The following SAMD3 variants were observed in gnomAD, a reference collection of about 807,000 sequenced individuals.
SAMD3 encodes sterile alpha motif domain-containing protein 3.
A neutral mutation model predicts 58.5 loss-of-function variants in SAMD3; 63 were observed. The observed-to-expected ratio is 1.08, with a 90% CI of 0.88 to 1.33. The LOEUF is 1.33. Ranked by LOEUF, SAMD3 falls within the 40% of genes most tolerant of loss-of-function variation. The pLI is 0.00. For missense variants in SAMD3, 604 were observed against 608.4 expected (o/e 0.99, Z 0.08); for synonymous variants, 220 against 210.3 (o/e 1.05, Z -0.40).
chr6:130,333,366 C>A (rs923711025), intron 1 of SAMD3, among the ~76,000 whole-genome samples: 3 of 152,304 alleles, frequency 2.0e-5, no homozygotes, highest in East Asian at 1.9e-4. Context: ...CACAACCACC[C>A]ATGTCCCTTT....
chr6:130,322,561 G>A (rs1049870645), intron 1 of SAMD3, among the ~76,000 whole-genome samples: 5 of 152,130 alleles, frequency 3.3e-5, no homozygotes, highest in Admixed American at 6.5e-5. Flanking sequence ...ACTTGAACTC[G>A]GGAGGCAGAA....
At position 130,249,510 on chromosome 6, in the gene SAMD3, G is replaced by T. The variant is rs141292660; in HGVS notation, c.-187-26697C>A. 3.1e-3 allele frequency among the ~76,000 whole-genome samples: 478 copies of T among 152,202 alleles called. 2 individuals carry two copies. The highest frequency in any genetic ancestry group is 0.011 in the African/African-American group (455 of 41,526). On this transcript the variant is annotated intron_variant, in intron 2 of 13. Transcript: ENST00000368134. ...CCAGCATCTGTACTTACGGCAGCTT[G>T]TATACATGTATTTATCAACATCTGC... is the stretch of plus-strand genomic sequence containing the variant.
At chr6:130,241,492 G>A (rs1773357647) in intron 2 of SAMD3, among the ~76,000 whole-genome samples, 1 of 152,000 alleles carries the variant, frequency 6.6e-6, no homozygotes, top group Non-Finnish European at 1.5e-5. Flanking sequence ...AGGATTACAG[G>A]CATGAGCCAC....
At chr6:130,147,179 G>A (rs750499879) in intron 9 of SAMD3, among the ~76,000 whole-genome samples, 16 of 152,092 alleles carry the variant, frequency 1.1e-4, no homozygotes, top group Admixed American at 3.9e-4. Context: ...CCACACTCCA[G>A]TGAATTAATT....
In SAMD3 at chr6:130,146,003, T is replaced by C. The variant is rs747511550; in HGVS notation, c.1195+7A>G. 2.7e-6 allele frequency: 4 copies of C among 1,479,768 alleles called. No homozygotes were observed. The East Asian group carries it at 1.0e-4, about 37-fold the overall frequency. 91.7% of individuals were successfully genotyped at this position (1,479,768 alleles called of 1,614,324 possible). A position where few individuals can be genotyped will look rare whatever the true frequency, so the allele number is the denominator to read the frequency against. On this transcript the variant is annotated splice_region_variant and intron_variant, in intron 10 of 11. Coordinates refer to ENST00000439090, the MANE Select transcript of SAMD3 (RefSeq NM_001017373.4). ...TGAAATCACACCACTCCATAAGGTTTACTAACATTTCAACATGTCTTCATC... is the reference window on the plus strand; with the variant it reads ...TGAAATCACACCACTCCATAAGGTTCACTAACATTTCAACATGTCTTCATC...
At chr6:130,206,963 A>T (rs1202905445) in intron 5 of SAMD3, among the ~76,000 whole-genome samples, 1 of 152,086 alleles carries the variant, frequency 6.6e-6, no homozygotes, top group Non-Finnish European at 1.5e-5. Context: ...AGCTTGGGCA[A>T]CACAACTAGA....
chr6:130,208,926 T>C (rs1376299495), intron 5 of SAMD3, among the ~76,000 whole-genome samples: 1 of 152,202 alleles, frequency 6.6e-6, no homozygotes, highest in African/African-American at 2.4e-5. Context: ...ATCTTACCTA[T>C]GACCATCTCA....
rs560527664 is a variant in SAMD3, at chr6:130,200,066, G to A, written c.383+9429C>T. The stretch of plus-strand genomic sequence containing the variant: ...CCCCCAGTGTGAGATTCAAGGCCTC[G>A]GGAGTCTTTGGGGCCCTAATTCATC... On this transcript the variant is annotated intron_variant, in intron 5 of 11. Coordinates refer to ENST00000439090, the MANE Select transcript of SAMD3 (RefSeq NM_001017373.4). Among the ~76,000 whole-genome samples, 453 of 152,020 alleles carry A rather than the reference G, an allele frequency of 3.0e-3. 3 individuals carry two copies. Among genetic ancestry groups the A allele is most frequent in the Non-Finnish European group, 5.2e-3 (352 of 67,990 alleles).
intron 7 of SAMD3, chr6:130,183,159 C>A (rs772790926): frequency 8.7e-6 from 3 of 343,352 alleles, no homozygotes; most frequent in Non-Finnish European, 1.7e-5. Context: ...CGTGGTTGTA[C>A]ATTAGAATAA....
At chr6:130,224,965 T>C (rs1166682569), upstream of SAMD3, among the ~76,000 whole-genome samples, 1 of 152,020 alleles carries the variant, frequency 6.6e-6, no homozygotes, top group African/African-American at 2.4e-5. Context: ...TTCATACCAA[T>C]TGGTAGGCTA....
chr6:130,186,872 G>T (rs191774564), intron 5 of SAMD3, among the ~76,000 whole-genome samples: 151 of 148,198 alleles, frequency 1.0e-3, no homozygotes, highest in African/African-American at 3.6e-3. Flanking sequence ...CCGGGTTCAA[G>T]CGATTCTCCT....
rs376297210 is a variant in SAMD3 at position 130,166,846 on chromosome 6, C to G, written c.822+8995G>C. Among the ~76,000 whole-genome samples, 17 of 152,268 alleles carry G rather than the reference C, an allele frequency of 1.1e-4. No homozygotes were observed. The East Asian group carries it at 1.5e-3, about 14-fold the overall frequency. On this transcript the variant is annotated intron_variant, in intron 8 of 11. Transcript: ENST00000439090. The stretch of plus-strand genomic sequence containing the variant: ...GAAATTATGCTTTATACCTATTAGT[C>G]TCAGCAGCATTTTGAAGGCTAGATA...
At chr6:130,226,569 G>A (rs962398647), upstream of SAMD3, among the ~76,000 whole-genome samples, 2 of 152,266 alleles carry the variant, frequency 1.3e-5, no homozygotes, top group African/African-American at 2.4e-5. Flanking sequence ...GCTCACGCCT[G>A]TAATCCCAGC....
chr6:130,257,116 T>C (rs928321555), intron 2 of SAMD3, among the ~76,000 whole-genome samples: 1 of 152,130 alleles, frequency 6.6e-6, no homozygotes, highest in African/African-American at 2.4e-5. Context: ...CCTAATCTGA[T>C]AAGACTGTTG....
rs777720900 is a variant in SAMD3, at chr6:130,144,592, A to G, written c.1491T>C (p.Asp497=). Residue 497 remains aspartate (D), a synonymous_variant, in exon 12 of 12, where the codon GAT becomes GAC. Transcript: ENST00000439090. ...AAGAAGGAAAATAAGGACTGTGCAT[A>G]TCGAAAATCAGCGTTTCTAGGAAGT... ...TFNFLETLIF[D]MHSPYFPSLK... The G allele has an allele frequency of 1.2e-6, 2 of 1,614,038 alleles. No homozygotes were observed. Among genetic ancestry groups the G allele is most frequent in the South Asian group, 2.2e-5 (2 of 91,092 alleles).
intron 2 of SAMD3, among the ~76,000 whole-genome samples, chr6:130,276,451 A>G (rs1774778048): frequency 6.6e-6 from 1 of 152,192 alleles, no homozygotes; most frequent in Admixed American, 6.5e-5. Flanking sequence ...ACAAGAATGT[A>G]TAGGTAAGTA....
At chr6:130,319,330 A>G (rs1429326375) in intron 1 of SAMD3, among the ~76,000 whole-genome samples, 4 of 152,238 alleles carry the variant, frequency 2.6e-5, no homozygotes, top group Non-Finnish European at 4.4e-5. Flanking sequence ...GAAGAAAAGT[A>G]TGCAAAGACA....
intron 1 of SAMD3, among the ~76,000 whole-genome samples, chr6:130,324,463 A>C (rs1776689901): frequency 6.6e-6 from 1 of 152,238 alleles, no homozygotes. Flanking sequence ...GTGTAATATT[A>C]AGGCATAATT....
chr6:130,143,851 CTG>C (rs1788392761), downstream of SAMD3: 3 of 152,516 alleles, frequency 2.0e-5, 1 homozygote, highest in African/African-American at 7.2e-5. Flanking sequence ...GAACTGGACT[CTG>C]GGCAGTAGCC....
Sources: allele counts gnomAD v4.1 joint callset (sites outside exome capture counted in the v4.1 genomes callset), GRCh38; gene constraint gnomAD v4.1.1; transcripts MANE v1.5; gene names NCBI Gene and HGNC (gene_info 2026-07-23, HGNC 2026-07-21).